The following EDRF1 variants were observed in gnomAD, a reference collection of about 807,000 sequenced individuals.
EDRF1 encodes erythroid differentiation regulatory factor 1, also known as erythroid differentiation-related factor 1.
In EDRF1, 69 loss-of-function variants were observed where a neutral mutation model predicts 148.7. That is an observed-to-expected ratio of 0.46 (90% CI 0.38 to 0.57). The LOEUF (loss-of-function observed/expected upper bound fraction) is 0.57. Ranked by LOEUF, EDRF1 falls within the 20% of genes least tolerant of loss-of-function variation. The pLI is 0.00. For synonymous variants in EDRF1, 515 were observed against 532.8 expected (o/e 0.97, Z 0.46); for missense variants, 1,118 against 1,478.7 (o/e 0.76, Z 4.00).
Position 125,740,626 on chromosome 10 carries a change from C to A in EDRF1, c.2145C>A (p.Tyr715Ter). ...AGAAATACGGAAGAGCATTACGATA[C>A]ATTAAATTAGCTTTGCAAAGCCATG... ...SLQKYGRALRYIKLALQSHDT... is the reference protein window; with the variant it reads ...SLQKYGRALR Residue 715 changes from tyrosine (Y) to a stop codon, truncating the protein, a stop_gained, in exon 16 of 25, where the codon TAC (tyrosine) becomes TAA (stop). Coordinates refer to ENST00000356792, the MANE Select transcript of EDRF1 (RefSeq NM_001202438.2). LOFTEE classifies it high-confidence loss of function. 1 of 1,613,850 alleles carries A rather than the reference C, an allele frequency of 6.2e-7. No homozygotes were observed. Among genetic ancestry groups the A allele is most frequent in the Non-Finnish European group, 8.5e-7 (1 of 1,179,996 alleles).
rs1850282304 is a variant in EDRF1, at chr10:125,763,555, A to G, written c.*83A>G. The G allele has an allele frequency of 2.1e-6, 3 of 1,408,554 alleles. No individual in the cohort carries two copies. The highest frequency in any genetic ancestry group is 2.5e-5 in the East Asian group (1 of 40,652). The allele number at this position is 1,408,554 out of a possible 1,614,324, so 87.3% of individuals were successfully genotyped here. A position where few individuals can be genotyped will look rare whatever the true frequency, so the allele number is the denominator to read the frequency against. On this transcript the variant is annotated 3_prime_UTR_variant, in exon 25 of 25. Transcript: ENST00000356792. The surrounding 1 kb of genome is among the most constrained non-coding windows in gnomAD (Gnocchi z 4.3). ...TTCATTCGGTGCTTTGTTTCATTAA[A>G]TAATAGGGAAATATCCATTTAAAAC...
At chr10:125,736,317 C>T (rs140852357) in intron 13 of EDRF1, among the ~76,000 whole-genome samples, 74 of 152,206 alleles carry the variant, frequency 4.9e-4, no homozygotes, top group African/African-American at 1.6e-3. Flanking sequence ...GGTACATTAT[C>T]CCTGTGCTAT....
At chr10:125,736,028 A>G (rs1848712890) in intron 13 of EDRF1, 124 bp downstream of exon 13, 2 of 986,864 alleles carry the variant, frequency 2.0e-6, no homozygotes, top group South Asian at 1.6e-5. Flanking sequence ...TCTAGTAATC[A>G]TTAGTTTTCT....
chr10:125,749,762 A>G, intron 22 of EDRF1, 197 bp downstream of exon 22: 1 of 635,356 alleles, frequency 1.6e-6, no homozygotes, highest in Non-Finnish European at 2.7e-6. Context: ...AATGTATTAG[A>G]TTATGTTCAG....
At chr10:125,730,582 A>G (rs373293309) in intron 9 of EDRF1, among the ~76,000 whole-genome samples, 183 bp downstream of exon 9, 31 of 152,342 alleles carry the variant, frequency 2.0e-4, no homozygotes, top group African/African-American at 7.5e-4. Flanking sequence ...TTATAGAAGT[A>G]TAATTTTACA....
chr10:125,733,983 T>G, intron 11 of EDRF1, 89 bp from the exon 12 acceptor site: 1 of 1,115,748 alleles, frequency 9.0e-7, no homozygotes. Flanking sequence ...TATAGCTCTT[T>G]GTTGGAAAGA....
chr10:125,758,058 T>C (rs896028927), intron 24 of EDRF1, among the ~76,000 whole-genome samples: 1 of 152,256 alleles, frequency 6.6e-6, no homozygotes, highest in African/African-American at 2.4e-5. Context: ...GTGATTTTGT[T>C]TGGGTAATTT....
rs1270736822 is a variant in EDRF1 at position 125,763,020 on chromosome 10, GT to G, written c.3546-277del. Among the ~76,000 whole-genome samples the G allele has an allele frequency of 6.6e-6, 1 of 151,930 alleles. No individual in the cohort carries two copies. Among genetic ancestry groups the G allele is most frequent in the Non-Finnish European group, 1.5e-5 (1 of 68,014 alleles). On this transcript the variant is annotated intron_variant, in intron 24 of 24. Transcript: ENST00000356792. The surrounding 1 kb of genome is among the most constrained non-coding windows in gnomAD (Gnocchi z 4.3). ...ATAAGGCAGGGGCTTCTTTTTGCCT[GT>G]TTTGTTCTCTGTCAAGAGCAATTCC...
At position 125,760,890 on chromosome 10, in the gene EDRF1, T is replaced by C. The variant is rs568017822; in HGVS notation, c.3546-2411T>C. On this transcript the variant is annotated intron_variant, in intron 24 of 24. Transcript: ENST00000356792. ...AACTATTTATATGGCATTGACATTG[T>C]ATTAGGTATTATAAGTCATCTAGAG... Among the ~76,000 whole-genome samples the C allele has an allele frequency of 4.6e-5, 7 of 152,326 alleles. No individual in the cohort carries two copies. The East Asian group carries it at 1.3e-3, about 29-fold the overall frequency.
chr10:125,729,508 C>T lies in EDRF1; in HGVS notation c.1016+29C>T, dbSNP rs1403132970. 5.6e-6 allele frequency: 9 copies of T among 1,613,668 alleles called. No homozygotes were observed. The East Asian group carries it at 6.7e-5, about 12-fold the overall frequency. ...AACTAACATCATACCCCTCCTCAAG[C>T]TTATGGTATTTAAATTCTTCCTTTA... On this transcript the variant is annotated intron_variant, in intron 8 of 24. Coordinates refer to ENST00000356792, the MANE Select transcript of EDRF1 (RefSeq NM_001202438.2).
chr10:125,721,864 G>A (rs2133659557), intron 2 of EDRF1, among the ~76,000 whole-genome samples: 1 of 152,326 alleles, frequency 6.6e-6, no homozygotes, highest in East Asian at 1.9e-4. Context: ...CCTACACCTT[G>A]ACTTTGACAC....
chr10:125,741,931 C>T (rs1320934230), intron 17 of EDRF1, among the ~76,000 whole-genome samples: 4 of 152,036 alleles, frequency 2.6e-5, no homozygotes, highest in African/African-American at 7.2e-5. Flanking sequence ...TCAACTCAAG[C>T]GATCCTCCCA....
chr10:125,723,900 G>C lies in EDRF1; in HGVS notation c.474G>C (p.Glu158Asp), dbSNP rs745787655. 4.3e-6 allele frequency: 7 copies of C among 1,613,520 alleles called. No homozygotes were observed. Residue 158 changes from glutamate to aspartate, a missense_variant, in exon 4 of 25, where the codon GAG (glutamate) becomes GAC (aspartate). Coordinates refer to ENST00000356792, the MANE Select transcript of EDRF1 (RefSeq NM_001202438.2). Reference protein sequence around the residue: ...HRIGRTLLLDELDIQELFMRS... With the variant: ...HRIGRTLLLDDLDIQELFMRS... The stretch of plus-strand genomic sequence containing the variant: ...TAGGAAGGACTCTCTTACTAGATGA[G>C]CTAGATATTCAAGAACTCTTTATGA...
chr10:125,738,107 T>TC, intron 14 of EDRF1, 118 bp downstream of exon 14: 1 of 1,347,734 alleles, frequency 7.4e-7, no homozygotes, highest in South Asian at 1.2e-5. Context: ...GATTTTTTTT[T>TC]CCTTAAGCAT....
In EDRF1 at chr10:125,725,831, C is replaced by T; in HGVS notation, c.785C>T (p.Ser262Phe). The T allele has an allele frequency of 6.2e-7, 1 of 1,613,088 alleles. No homozygotes were observed. The highest frequency in any genetic ancestry group is 8.5e-7 in the Non-Finnish European group (1 of 1,179,958). Residue 262 changes from serine to phenylalanine, a missense_variant, in exon 6 of 25, where the codon TCC becomes TTC. This residue lies in a region of EDRF1 where 954 missense variants were observed against 1,241.4 expected (regional missense o/e 0.77). Transcript: ENST00000356792. ...TCAGTTTCTGAAGATCCCAGTGCTT[C>T]CAGTCAGGTTAGTACTTAAATGCTA... ...PSSVSEDPSA[S>F]SQGSEPLEPS...
Position 125,740,617 on chromosome 10 carries a change from A to G in EDRF1, c.2136A>G (p.Ala712=), listed in dbSNP as rs1428793885. The G allele has an allele frequency of 6.2e-7, 1 of 1,613,902 alleles. No homozygotes were observed. The highest frequency in any genetic ancestry group is 8.5e-7 in the Non-Finnish European group (1 of 1,180,036). ...AAMSLQKYGR[A]LRYIKLALQS... is the part of the protein sequence containing the mutation. ...TGAGTCTTCAGAAATACGGAAGAGCATTACGATACATTAAATTAGCTTTGC... is the reference window on the plus strand; with the variant it reads ...TGAGTCTTCAGAAATACGGAAGAGCGTTACGATACATTAAATTAGCTTTGC... The change falls in exon 16 of 25, where the codon GCA becomes GCG. Residue 712 remains alanine, a synonymous_variant. Coordinates refer to ENST00000356792, the MANE Select transcript of EDRF1 (RefSeq NM_001202438.2).
In EDRF1 at chr10:125,725,414, G is replaced by A. The variant is rs150975934; in HGVS notation, c.607G>A (p.Ala203Thr). 9.3e-6 allele frequency: 15 copies of A among 1,613,954 alleles called. No individual in the cohort carries two copies. In the African/African-American group the frequency reaches 1.7e-4, roughly 19 times the overall value. ...GAGCAAAGAGCACTGGTATCAAAAG[G>A]CAATTCTTTCCAAGTTTTTATATTA... The part of the protein sequence containing the change: ...KKSKEHWYQK[A>T]ILSKFLYYSI... Residue 203 changes from alanine to threonine, a missense_variant, in exon 5 of 25, where the codon GCA becomes ACA. Coordinates refer to ENST00000356792, the MANE Select transcript of EDRF1 (RefSeq NM_001202438.2).
Position 125,752,870 on chromosome 10 carries a change from G to A in EDRF1, c.3349G>A (p.Ala1117Thr), listed in dbSNP as rs17153510. The A allele has an allele frequency of 0.086, 138,166 of 1,613,476 alleles. 7,176 individuals carry two copies. The highest frequency in any genetic ancestry group is 0.24 in the East Asian group (10,956 of 44,834). ...ALDIMVRTEH[A>T]FQLIQKELIE... The stretch of plus-strand genomic sequence containing the variant: ...TGATATAATGGTGAGAACTGAGCAC[G>A]CATTCCAGCTTATCCAGAAGGAGCT... The change falls in exon 23 of 25, where the codon GCA becomes ACA. Residue 1117 changes from alanine (A) to threonine (T), a missense_variant. This residue lies in a region of EDRF1 where 954 missense variants were observed against 1,241.4 expected (regional missense o/e 0.77). Coordinates refer to ENST00000356792, the MANE Select transcript of EDRF1 (RefSeq NM_001202438.2).
chr10:125,720,407 C>T (rs188838657), intron 1 of EDRF1, among the ~76,000 whole-genome samples: 308 of 152,284 alleles, frequency 2.0e-3, no homozygotes, highest in African/African-American at 7.0e-3. Flanking sequence ...AGTATTTGAA[C>T]CATGCATGCA....
Sources: allele counts gnomAD v4.1 joint callset (sites outside exome capture counted in the v4.1 genomes callset), GRCh38; gene constraint gnomAD v4.1.1; regional missense constraint gnomAD v4.1.1; non-coding constraint Gnocchi (gnomAD v3.1); transcripts MANE v1.5; gene names NCBI Gene and HGNC (gene_info 2026-07-23, HGNC 2026-07-21).